The following SKIC2 variants were observed in gnomAD, a reference collection of about 807,000 sequenced individuals.
The protein encoded by SKIC2 is superkiller complex protein 2.
the SKIC2 span, chr6:31,964,440 T>A: frequency 1.2e-6 from 1 of 868,514 alleles, no homozygotes; most frequent in Non-Finnish European, 1.9e-6. The surrounding 1 kb of genome is among the most constrained non-coding windows in gnomAD (Gnocchi z 5.0). Flanking sequence ...AGGCCAGTGC[T>A]GTGGTTAAGA....
chr6:31,962,626 A>T, the SKIC2 span: 1 of 1,609,190 alleles, frequency 6.2e-7, no homozygotes, highest in Non-Finnish European at 8.5e-7. This position sits in a 1 kb window ranked among gnomAD's most constrained non-coding sequence, Gnocchi z 5.0. Context: ...TTTGGCTGGG[A>T]AGATGTGGCC....
At chr6:31,961,958 A>G in the SKIC2 span, 1 of 1,612,872 alleles carries the variant, frequency 6.2e-7, no homozygotes. Context: ...CTGCACTTGG[A>G]ACGGCATGAC....
the SKIC2 span, chr6:31,963,441 AT>A: frequency 6.2e-7 from 1 of 1,608,600 alleles, no homozygotes. This position sits in a 1 kb window ranked among gnomAD's most constrained non-coding sequence, Gnocchi z 5.3. Flanking sequence ...GATCTATGTG[AT>A]TAGCACTGTA....
At chr6:31,961,703 C>T in the SKIC2 span, 11 of 1,603,830 alleles carry the variant, frequency 6.9e-6, no homozygotes, top group Non-Finnish European at 7.7e-6. Flanking sequence ...TCACACGCTC[C>T]TCTACCTCTT....
chr6:31,963,502 A>G, the SKIC2 span: 1 of 1,610,746 alleles, frequency 6.2e-7, no homozygotes, highest in Non-Finnish European at 8.5e-7. This position sits in a 1 kb window ranked among gnomAD's most constrained non-coding sequence, Gnocchi z 5.3. Flanking sequence ...AACAGCTCCA[A>G]GACCCAGGGG....
chr6:31,963,025 A>G, the SKIC2 span: 1 of 1,612,696 alleles, frequency 6.2e-7, no homozygotes, highest in Non-Finnish European at 8.5e-7. This position sits in a 1 kb window ranked among gnomAD's most constrained non-coding sequence, Gnocchi z 5.3. Context: ...ATGCTACCTG[A>G]CCACGTTTCT....
the SKIC2 span, chr6:31,968,436 G>T: frequency 6.2e-7 from 1 of 1,613,024 alleles, no homozygotes; most frequent in Non-Finnish European, 8.5e-7. This position sits in a 1 kb window ranked among gnomAD's most constrained non-coding sequence, Gnocchi z 6.1. Flanking sequence ...ATGACCTGCA[G>T]CTCAAAGATA....
At chr6:31,965,855 C>G in the SKIC2 span, 28 of 1,612,614 alleles carry the variant, frequency 1.7e-5, no homozygotes, top group Non-Finnish European at 2.3e-5. The surrounding 1 kb of genome is among the most constrained non-coding windows in gnomAD (Gnocchi z 5.6). Flanking sequence ...TGACTCCATG[C>G]GCAAACACGA....
the SKIC2 span, chr6:31,967,475 C>A: frequency 1.1e-6 from 1 of 905,072 alleles, no homozygotes; most frequent in South Asian, 1.4e-5. This position sits in a 1 kb window ranked among gnomAD's most constrained non-coding sequence, Gnocchi z 4.9. Context: ...CATCATAGGG[C>A]CCTCATTTTC....
At chr6:31,968,887 G>T in the SKIC2 span, 1 of 1,612,874 alleles carries the variant, frequency 6.2e-7, no homozygotes, top group Non-Finnish European at 8.5e-7. This position sits in a 1 kb window ranked among gnomAD's most constrained non-coding sequence, Gnocchi z 6.1. Flanking sequence ...CGAACCCTGG[G>T]TTATGTGGAC....
At chr6:31,960,722 G>A in the SKIC2 span, 14 of 1,568,390 alleles carry the variant, frequency 8.9e-6, no homozygotes, top group South Asian at 1.7e-4. Flanking sequence ...GGCTGAGGAG[G>A]AGATAGACTT....
the SKIC2 span, chr6:31,967,689 C>T: frequency 4.3e-6 from 7 of 1,611,712 alleles, no homozygotes; most frequent in Non-Finnish European, 5.9e-6. This position sits in a 1 kb window ranked among gnomAD's most constrained non-coding sequence, Gnocchi z 4.9. Context: ...ACACCCCCCT[C>T]TCCTGGCCTC....
At chr6:31,968,788 C>G in the SKIC2 span, 1 of 1,609,540 alleles carries the variant, frequency 6.2e-7, no homozygotes, top group South Asian at 1.1e-5. This position sits in a 1 kb window ranked among gnomAD's most constrained non-coding sequence, Gnocchi z 6.1. Flanking sequence ...GTACCATCAG[C>G]GAGTAGAGGT....
the SKIC2 span, chr6:31,959,249 C>T: frequency 6.2e-7 from 1 of 1,608,638 alleles, no homozygotes; most frequent in South Asian, 1.1e-5. Flanking sequence ...AACGGAGTAG[C>T]CGATATGGAA....
the SKIC2 span, chr6:31,961,122 A>G: frequency 6.2e-7 from 1 of 1,608,364 alleles, no homozygotes; most frequent in South Asian, 1.1e-5. Flanking sequence ...AGTGGGGTGT[A>G]GGAGAAGTCA....
At chr6:31,963,831 A>G in the SKIC2 span, 2 of 1,474,842 alleles carry the variant, frequency 1.4e-6, no homozygotes, top group Non-Finnish European at 1.9e-6. This position sits in a 1 kb window ranked among gnomAD's most constrained non-coding sequence, Gnocchi z 5.3. Flanking sequence ...AGCTTTGAGC[A>G]CTGCCCCAGT....
the SKIC2 span, chr6:31,969,059 TGG>T: frequency 6.2e-7 from 1 of 1,611,810 alleles, no homozygotes; most frequent in Non-Finnish European, 8.5e-7. This position sits in a 1 kb window ranked among gnomAD's most constrained non-coding sequence, Gnocchi z 6.1. Flanking sequence ...CTGGGGACGC[TGG>T]GGATCAGCTC....
At chr6:31,963,193 T>C in the SKIC2 span, 56 of 895,394 alleles carry the variant, frequency 6.3e-5, no homozygotes, top group Non-Finnish European at 9.7e-5. This position sits in a 1 kb window ranked among gnomAD's most constrained non-coding sequence, Gnocchi z 5.3. Flanking sequence ...GGTCAGGCCT[T>C]AGGGGTGATG....
At chr6:31,961,900 C>A in the SKIC2 span, 1 of 1,613,014 alleles carries the variant, frequency 6.2e-7, no homozygotes, top group Non-Finnish European at 8.5e-7. Flanking sequence ...CTATTTCTCT[C>A]TCCCATAGTG....
Sources: gnomAD v4.1 joint callset for allele counts on GRCh38, gnomAD v4.1.1 for gene constraint, Gnocchi (gnomAD v3.1) non-coding constraint, MANE v1.5 for transcripts, NCBI Gene and HGNC (gene_info 2026-07-23, HGNC 2026-07-21) for gene names.